LINGO2: variants seen among roughly 807,000 people sequenced by gnomAD.
LINGO2 encodes leucine rich repeat and Ig domain containing 2.
A neutral mutation model predicts 30.6 loss-of-function variants in LINGO2; 14 were observed. That is an observed-to-expected ratio of 0.46 (90% CI 0.30 to 0.72). LINGO2 has a LOEUF of 0.72. Among genes scored for constraint, LINGO2 ranks in the 30% least tolerant of loss-of-function variants. The probability of loss-of-function intolerance (pLI) is 0.07; values close to 1 mark genes in which losing one functional copy is unlikely to be tolerated. For missense variants in LINGO2, 729 were observed against 751.7 expected (o/e 0.97, Z 0.35); for synonymous variants, 317 against 288.5 (o/e 1.10, Z -1.00).
At chr9:28,813,177 G>A in the LINGO2 span, among the ~76,000 whole-genome samples, 1 of 151,916 alleles carries the variant, frequency 6.6e-6, no homozygotes. Flanking sequence ...TTGATGTCAA[G>A]TGAGAAGAAA....
chr9:28,381,674 GA>G (rs1821364266), intron 2 of LINGO2, among the ~76,000 whole-genome samples: 1 of 151,992 alleles, frequency 6.6e-6, no homozygotes, highest in South Asian at 2.1e-4. Flanking sequence ...GATTTAAAAG[GA>G]AATATTCACC....
chr9:28,331,596 C>A (rs1825420693), intron 3 of LINGO2, among the ~76,000 whole-genome samples: 1 of 152,170 alleles, frequency 6.6e-6, no homozygotes, highest in Non-Finnish European at 1.5e-5. Flanking sequence ...GCCTCAACAT[C>A]CTGGGCTCTG....
intron 4 of LINGO2, among the ~76,000 whole-genome samples, chr9:28,020,007 A>G (rs1823033471): frequency 6.6e-6 from 1 of 152,176 alleles, no homozygotes; most frequent in African/African-American, 2.4e-5. Context: ...GACATTCCAG[A>G]GAGAAGCCCG....
chr9:28,270,377 CA>C (rs1288559036), intron 4 of LINGO2, among the ~76,000 whole-genome samples: 11 of 151,946 alleles, frequency 7.2e-5, no homozygotes, highest in African/African-American at 2.7e-4. Flanking sequence ...TGGCTGGCAG[CA>C]CTAGCAATCT....
At chr9:28,527,472 C>A (rs2135418327) in intron 1 of LINGO2, among the ~76,000 whole-genome samples, 1 of 152,298 alleles carries the variant, frequency 6.6e-6, no homozygotes, top group Admixed American at 6.5e-5. Flanking sequence ...TGCAGAATCT[C>A]ATTGAAATGG....
the LINGO2 span, among the ~76,000 whole-genome samples, chr9:29,041,556 C>G: frequency 6.6e-6 from 1 of 151,920 alleles, no homozygotes; most frequent in South Asian, 2.1e-4. Context: ...GATGGGTAAC[C>G]AGAGTTAAGA....
chr9:29,084,296 C>A, the LINGO2 span, among the ~76,000 whole-genome samples: 1 of 151,964 alleles, frequency 6.6e-6, no homozygotes, highest in Non-Finnish European at 1.5e-5. Flanking sequence ...TGACCATCAA[C>A]CAAAAAGAGT....
At chr9:28,455,411 C>T (rs928899022) in intron 2 of LINGO2, among the ~76,000 whole-genome samples, 1 of 151,952 alleles carries the variant, frequency 6.6e-6, no homozygotes, top group Non-Finnish European at 1.5e-5. Context: ...CTGAGCATTA[C>T]GATGATTCCC....
chr9:27,999,799 AT>A (rs946678970), intron 5 of LINGO2, among the ~76,000 whole-genome samples: 75 of 152,272 alleles, frequency 4.9e-4, no homozygotes, highest in African/African-American at 1.7e-3. Flanking sequence ...CTAAATATAT[AT>A]TATTTAACAT....
chr9:28,149,625 T>G (rs1334185478), intron 4 of LINGO2, among the ~76,000 whole-genome samples: 1 of 142,834 alleles, frequency 7.0e-6, no homozygotes. Context: ...TGTGCCCGGC[T>G]GCCATCCTGT....
At chr9:28,318,364 T>C (rs1278144577) in intron 3 of LINGO2, among the ~76,000 whole-genome samples, 1 of 152,208 alleles carries the variant, frequency 6.6e-6, no homozygotes, top group Non-Finnish European at 1.5e-5. Flanking sequence ...CATAAGCATA[T>C]ATTATATTGT....
the LINGO2 span, among the ~76,000 whole-genome samples, chr9:28,923,688 C>G: frequency 6.6e-6 from 1 of 152,102 alleles, no homozygotes; most frequent in Non-Finnish European, 1.5e-5. Flanking sequence ...CACTTAGGAA[C>G]TATCAACTAA....
chr9:28,203,572 A>AGTT (rs1384440931), intron 4 of LINGO2, among the ~76,000 whole-genome samples: 1 of 152,200 alleles, frequency 6.6e-6, no homozygotes, highest in Non-Finnish European at 1.5e-5. Flanking sequence ...ATTAATTAGT[A>AGTT]ACTCATCAAA....
chr9:28,354,518 G>A (rs1310404064), intron 3 of LINGO2, among the ~76,000 whole-genome samples: 1 of 152,136 alleles, frequency 6.6e-6, no homozygotes, highest in Non-Finnish European at 1.5e-5. Flanking sequence ...ATTCTCAAAT[G>A]TAGAAATCTT....
intron 3 of LINGO2, among the ~76,000 whole-genome samples, chr9:28,371,274 C>T (rs1487564421): frequency 6.6e-6 from 1 of 152,154 alleles, no homozygotes; most frequent in Non-Finnish European, 1.5e-5. Flanking sequence ...AACGAGAACA[C>T]TAGTGTTTTA....
At chr9:29,165,086 G>C in the LINGO2 span, among the ~76,000 whole-genome samples, 39 of 152,048 alleles carry the variant, frequency 2.6e-4, no homozygotes, top group African/African-American at 8.4e-4. Flanking sequence ...TTATCCCATA[G>C]TTCAAAGAAC....
the LINGO2 span, among the ~76,000 whole-genome samples, chr9:29,129,644 G>T: frequency 2.0e-5 from 3 of 152,174 alleles, no homozygotes; most frequent in East Asian, 5.8e-4. Flanking sequence ...TGATTGGTGA[G>T]AAAGAAAATG....
At chr9:28,917,344 T>C in the LINGO2 span, among the ~76,000 whole-genome samples, 5 of 152,136 alleles carry the variant, frequency 3.3e-5, no homozygotes, top group African/African-American at 1.2e-4. Context: ...TTATTGCTTC[T>C]CACATTTATT....
rs1454616534 is a variant in LINGO2, at chr9:28,129,115, C to T, written c.-86-116710G>A. Among the ~76,000 whole-genome samples, 1 of 152,126 alleles carries T rather than the reference C, an allele frequency of 6.6e-6. No individual in the cohort carries two copies. Among genetic ancestry groups the T allele is most frequent in the Non-Finnish European group, 1.5e-5 (1 of 68,018 alleles). On this transcript the variant is annotated intron_variant, in intron 4 of 5. Coordinates refer to ENST00000379992, the Ensembl canonical transcript of LINGO2. The surrounding 1 kb of genome is among the most constrained non-coding windows in gnomAD (Gnocchi z 4.0). The stretch of plus-strand genomic sequence containing the variant: ...TTGCCAGAGGCTCTCAGGCCTTTGA[C>T]CATAGAATGAAGCCTGCACTGTCAA...
Sources: gnomAD v4.1 joint callset for allele counts (sites outside exome capture counted in the v4.1 genomes callset) on GRCh38, gnomAD v4.1.1 for gene constraint, Gnocchi (gnomAD v3.1) non-coding constraint, MANE v1.5 for transcripts, NCBI Gene and HGNC (gene_info 2026-07-23, HGNC 2026-07-21) for gene names.